Variants in TSHZ2 observed in about 807,000 individuals in gnomAD.
TSHZ2 encodes the protein teashirt zinc finger homeobox 2.
Under a neutral mutation model 74.4 loss-of-function variants are expected in TSHZ2, and 21 were observed. That is an observed-to-expected ratio of 0.28 (90% CI 0.20 to 0.41). The LOEUF is 0.41. Ranked by LOEUF, TSHZ2 falls within the 10% of genes least tolerant of loss-of-function variation. The pLI is 1.00. For missense variants in TSHZ2, 1,244 were observed against 1,293.5 expected (o/e 0.96, Z 0.59); for synonymous variants, 540 against 515.3 (o/e 1.05, Z -0.65).
At chr20:53,367,662 C>T (rs144868087) in intron 2 of TSHZ2, among the ~76,000 whole-genome samples, 1 of 152,006 alleles carries the variant, frequency 6.6e-6, no homozygotes, top group Non-Finnish European at 1.5e-5. Flanking sequence ...GCTCCGCCTT[C>T]TGGGTTCAAG....
intron 2 of TSHZ2, among the ~76,000 whole-genome samples, chr20:53,409,462 C>CAA (rs57982211): frequency 2.8e-5 from 4 of 143,854 alleles, no homozygotes; most frequent in African/African-American, 1.0e-4. Flanking sequence ...ATTGCTGTAC[C>CAA]AAAAAAAAAA....
chr20:53,236,262 G>A (rs1451482506), intron 1 of TSHZ2, among the ~76,000 whole-genome samples: 1 of 152,032 alleles, frequency 6.6e-6, no homozygotes, highest in Non-Finnish European at 1.5e-5. Flanking sequence ...ATTTGCTCTG[G>A]CATTCCTTTA....
chr20:53,070,357 C>G (rs1427645775), intron 1 of TSHZ2, among the ~76,000 whole-genome samples: 4 of 152,140 alleles, frequency 2.6e-5, no homozygotes, highest in Non-Finnish European at 4.4e-5. Flanking sequence ...GTCTAATAGC[C>G]TATCTTAATT....
At chr20:53,411,320 T>C (rs1402877063) in intron 2 of TSHZ2, among the ~76,000 whole-genome samples, 7 of 152,144 alleles carry the variant, frequency 4.6e-5, no homozygotes, top group Non-Finnish European at 1.0e-4. Context: ...GGGAGAAAAC[T>C]GTGAGCACTT....
At chr20:53,469,048 TATATA>T (rs1568931536) in intron 2 of TSHZ2, among the ~76,000 whole-genome samples, 2,806 of 93,730 alleles carry the variant, frequency 0.03, 137 homozygotes, top group African/African-American at 0.11. Context: ...CGATATTTTA[TATATA>T]TATATATATA....
At chr20:53,422,316 T>G (rs764644737) in intron 2 of TSHZ2, among the ~76,000 whole-genome samples, 1 of 152,098 alleles carries the variant, frequency 6.6e-6, no homozygotes, top group Non-Finnish European at 1.5e-5. Context: ...TAAGGACCAC[T>G]CCTACCCCAA....
At chr20:53,237,352 T>C (rs1386279961) in intron 1 of TSHZ2, among the ~76,000 whole-genome samples, 3 of 152,208 alleles carry the variant, frequency 2.0e-5, no homozygotes, top group African/African-American at 4.8e-5. Context: ...AACTGAGTGA[T>C]GGTAGAAACC....
At chr20:53,106,080 T>C (rs1257047756) in intron 1 of TSHZ2, among the ~76,000 whole-genome samples, 4 of 152,222 alleles carry the variant, frequency 2.6e-5, no homozygotes, top group Non-Finnish European at 5.9e-5. Context: ...AAATCTTTAA[T>C]ATTGTGGGAG....
chr20:53,403,626 C>A (rs1393612496), intron 2 of TSHZ2, among the ~76,000 whole-genome samples: 1 of 152,188 alleles, frequency 6.6e-6, no homozygotes, highest in East Asian at 1.9e-4. Context: ...GTGCGGTACA[C>A]ATGCCATGAG....
rs1990493469 is a variant in TSHZ2, at chr20:53,256,828, T to C, written c.*8+257T>C. Among the ~76,000 whole-genome samples, 1 of 152,370 alleles carries C rather than the reference T, an allele frequency of 6.6e-6. No homozygotes were observed. Among genetic ancestry groups the C allele is most frequent in the East Asian group, 1.9e-4 (1 of 5,186 alleles). ...GTTCACAGATTACTACTGCTTTTTTTAGGCCTTCATCATCCATAATCCTGA... is the reference window on the plus strand; with the variant it reads ...GTTCACAGATTACTACTGCTTTTTTCAGGCCTTCATCATCCATAATCCTGA... On this transcript the variant is annotated intron_variant, in intron 2 of 2. Transcript: ENST00000371497. The surrounding 1 kb of genome is among the most constrained non-coding windows in gnomAD (Gnocchi z 4.3).
chr20:53,371,808 G>A (rs987893060), intron 2 of TSHZ2, among the ~76,000 whole-genome samples: 4 of 151,618 alleles, frequency 2.6e-5, no homozygotes, highest in African/African-American at 4.9e-5. Context: ...CCCAGGAGGC[G>A]GGTGTTGCAG....
At chr20:53,436,538 TATTATTA>T (rs1163997419) in intron 2 of TSHZ2, among the ~76,000 whole-genome samples, 10 of 94,602 alleles carry the variant, frequency 1.1e-4, no homozygotes, top group African/African-American at 4.5e-4. Context: ...TTATTATTAT[TATTATTA>T]TTATTTTTTT....
chr20:53,272,836 G>A (rs1281121931), intron 2 of TSHZ2, among the ~76,000 whole-genome samples: 1 of 152,176 alleles, frequency 6.6e-6, no homozygotes, highest in East Asian at 1.9e-4. Flanking sequence ...CAGAGAATAA[G>A]AGAAACAGGG....
intron 2 of TSHZ2, among the ~76,000 whole-genome samples, chr20:53,479,365 C>A (rs777624003): frequency 6.6e-6 from 1 of 152,036 alleles, no homozygotes; most frequent in South Asian, 2.1e-4. Flanking sequence ...TTATATGGAC[C>A]ACCCTCAGAG....
At chr20:53,162,277 A>C (rs1402257285) in intron 1 of TSHZ2, among the ~76,000 whole-genome samples, 1 of 152,332 alleles carries the variant, frequency 6.6e-6, no homozygotes, top group South Asian at 2.1e-4. Flanking sequence ...CCAGCTCAGA[A>C]GAATTTGGCC....
chr20:53,335,928 G>A (rs913167683), intron 2 of TSHZ2, among the ~76,000 whole-genome samples: 3 of 152,198 alleles, frequency 2.0e-5, no homozygotes, highest in Admixed American at 1.3e-4. Flanking sequence ...GAAAGAATCC[G>A]CAATTAACAT....
At position 53,444,079 on chromosome 20, in the gene TSHZ2, G is replaced by A. The variant is rs369216714; in HGVS notation, c.*9-43065G>A. On this transcript the variant is annotated intron_variant, in intron 2 of 2. Coordinates refer to ENST00000371497, the MANE Select transcript of TSHZ2 (RefSeq NM_173485.6). ...GGGACTGAGGCATTTCCCAGGACAA[G>A]GGACTAAAACCAGGATGAGAAGTCA... 3.0e-4 allele frequency among the ~76,000 whole-genome samples: 46 copies of A among 152,272 alleles called. 1 individual carries two copies. The East Asian group carries it at 6.0e-3, about 20-fold the overall frequency.
intron 2 of TSHZ2, among the ~76,000 whole-genome samples, chr20:53,404,973 G>A (rs761073992): frequency 2.6e-5 from 4 of 152,164 alleles, no homozygotes; most frequent in African/African-American, 7.2e-5. Context: ...AAAGTTGGCC[G>A]GGCATGGCAG....
intron 1 of TSHZ2, among the ~76,000 whole-genome samples, chr20:53,244,204 T>C (rs1990145345): frequency 6.6e-6 from 1 of 152,104 alleles, no homozygotes; most frequent in African/African-American, 2.4e-5. Flanking sequence ...ACTGTCCCTT[T>C]ACTTGGGAAA....
Sources: allele counts gnomAD v4.1 joint callset (sites outside exome capture counted in the v4.1 genomes callset), GRCh38; gene constraint gnomAD v4.1.1; non-coding constraint Gnocchi (gnomAD v3.1); transcripts MANE v1.5; gene names NCBI Gene and HGNC (gene_info 2026-07-23, HGNC 2026-07-21).